NLGN1: variants seen among roughly 807,000 people sequenced by gnomAD.
The protein encoded by NLGN1 is neuroligin 1, also known as neuroligin-1.
A neutral mutation model predicts 65.5 loss-of-function variants in NLGN1; 12 were observed. The observed-to-expected ratio is 0.18, with a 90% CI of 0.12 to 0.30. The LOEUF (loss-of-function observed/expected upper bound fraction) is 0.30, where lower values mean the gene tolerates loss of function less well. NLGN1 is among the 10% of genes least tolerant of loss of function. The pLI is 1.00. For synonymous variants in NLGN1, 350 were observed against 359.5 expected, an observed-to-expected ratio of 0.97 and a Z score of 0.30; for missense variants, 750 against 1,007.1, an observed-to-expected ratio of 0.74 and a Z score of 3.46.
intron 4 of NLGN1, among the ~76,000 whole-genome samples, chr3:173,945,405 T>C (rs1289489241): frequency 6.6e-6 from 1 of 152,036 alleles, no homozygotes; most frequent in Non-Finnish European, 1.5e-5. Flanking sequence ...TGGAATGTGC[T>C]CTAAGTGGTT....
intron 3 of NLGN1, among the ~76,000 whole-genome samples, chr3:173,768,180 A>T (rs1779044374): frequency 6.6e-6 from 1 of 152,200 alleles, no homozygotes; most frequent in Non-Finnish European, 1.5e-5. Flanking sequence ...ATTTCCGAAT[A>T]CCTGAGTTTG....
Position 174,280,829 on chromosome 3 carries a change from A to G in NLGN1, c.1998A>G (p.Ser666=), listed in dbSNP as rs752554001. 6.2e-7 allele frequency: 1 copy of G among 1,613,386 alleles called. No homozygotes were observed. Among genetic ancestry groups the G allele is most frequent in the South Asian group, 1.1e-5 (1 of 91,076 alleles). Reference sequence around the variant, plus strand: ...CCAAACAACAACCAAGTCCATTTTCAGTGGATCAAAGGGACTACTCAACAG... The same window carrying G: ...CCAAACAACAACCAAGTCCATTTTCGGTGGATCAAAGGGACTACTCAACAG... Residue 666 remains serine, a synonymous_variant, in exon 7 of 7, where the codon TCA becomes TCG. Transcript: ENST00000457714. The surrounding 1 kb of genome is among the most constrained non-coding windows in gnomAD (Gnocchi z 4.9).
intron 4 of NLGN1, among the ~76,000 whole-genome samples, chr3:173,846,377 G>A (rs1177185671): frequency 1.3e-5 from 2 of 152,030 alleles, no homozygotes; most frequent in Non-Finnish European, 2.9e-5. Flanking sequence ...AGTATTTCTG[G>A]GACATTTCTG....
intron 4 of NLGN1, among the ~76,000 whole-genome samples, chr3:173,976,777 G>T (rs1364745641): frequency 6.6e-6 from 1 of 151,966 alleles, no homozygotes; most frequent in African/African-American, 2.4e-5. Context: ...ATTTCCTCAT[G>T]CACACATTGG....
At chr3:173,570,118 G>T (rs1744399299) in intron 2 of NLGN1, among the ~76,000 whole-genome samples, 1 of 152,186 alleles carries the variant, frequency 6.6e-6, no homozygotes, top group Non-Finnish European at 1.5e-5. Context: ...GGTCAAGAGT[G>T]GCAGTGAGGG....
chr3:173,685,433 A>C (rs1323116236), intron 3 of NLGN1, among the ~76,000 whole-genome samples: 1 of 152,156 alleles, frequency 6.6e-6, no homozygotes, highest in Non-Finnish European at 1.5e-5. Context: ...GAACTGTCCT[A>C]AACACTGTTA....
intron 2 of NLGN1, among the ~76,000 whole-genome samples, chr3:173,589,028 T>TA (rs1747988253): frequency 6.6e-6 from 1 of 152,168 alleles, no homozygotes; most frequent in African/African-American, 2.4e-5. Context: ...CAAGTTAAGT[T>TA]ACTACTACTG....
At chr3:173,596,843 A>G (rs1237751523) in intron 2 of NLGN1, among the ~76,000 whole-genome samples, 1 of 152,080 alleles carries the variant, frequency 6.6e-6, no homozygotes, top group Non-Finnish European at 1.5e-5. Context: ...TCCTTCTGGT[A>G]CTGCTTAAGT....
At chr3:173,723,691 A>T (rs1378632082) in intron 3 of NLGN1, among the ~76,000 whole-genome samples, 10 of 152,168 alleles carry the variant, frequency 6.6e-5, no homozygotes, top group Admixed American at 6.5e-4. Flanking sequence ...AGTCATCTAA[A>T]TGTGGAATGT....
At chr3:173,419,017 C>CTTTTTTTTTT (rs1714402944) in intron 1 of NLGN1, among the ~76,000 whole-genome samples, 4 of 11,280 alleles carry the variant, frequency 3.5e-4, no homozygotes, top group African/African-American at 1.1e-3. Flanking sequence ...CTTTCTTCTT[C>CTTTTTTTTTT]TTCTTTTTTT....
chr3:173,830,015 G>C (rs1009324040), intron 4 of NLGN1, among the ~76,000 whole-genome samples: 8 of 144,382 alleles, frequency 5.5e-5, no homozygotes, highest in South Asian at 4.4e-4. Context: ...TGTGGGGGGG[G>C]GAGGGAGAGA....
chr3:173,994,204 C>T (rs1048104157), intron 4 of NLGN1, among the ~76,000 whole-genome samples: 1 of 151,990 alleles, frequency 6.6e-6, no homozygotes, highest in African/African-American at 2.4e-5. Flanking sequence ...ACCTCCCAGG[C>T]TCAAGTGATC....
rs189988268 is a variant in NLGN1 at position 174,281,416 on chromosome 3, T to G, written c.*113T>G. 1,316 of 689,886 alleles carry G rather than the reference T, an allele frequency of 1.9e-3. 13 individuals are homozygous for G. In the African/African-American group the frequency reaches 0.021, roughly 11 times the overall value. 42.7% of individuals were successfully genotyped at this position (689,886 alleles called of 1,614,324 possible). ...TATTTAAATAAGGAGGAATATTATG[T>G]GAATATACATATCAAGAACTTTGGG... On this transcript the variant is annotated 3_prime_UTR_variant, in exon 7 of 7. Coordinates refer to ENST00000457714, the Ensembl canonical transcript of NLGN1.
intron 2 of NLGN1, among the ~76,000 whole-genome samples, chr3:173,451,382 G>A (rs1224257927): frequency 6.6e-6 from 1 of 152,154 alleles, no homozygotes; most frequent in African/African-American, 2.4e-5. Context: ...GTGGATATTG[G>A]TGAACCGCAA....
At chr3:173,570,329 T>TAGCGC (rs1301572655) in intron 2 of NLGN1, among the ~76,000 whole-genome samples, 12 of 152,308 alleles carry the variant, frequency 7.9e-5, no homozygotes, top group Non-Finnish European at 1.0e-4. Context: ...AAGCCACAAG[T>TAGCGC]AGCGCAGCAT....
At chr3:173,646,387 C>T (rs1758281399) in intron 3 of NLGN1, among the ~76,000 whole-genome samples, 1 of 152,180 alleles carries the variant, frequency 6.6e-6, no homozygotes, top group Non-Finnish European at 1.5e-5. Context: ...AAGAGTTCAC[C>T]ACTTTCTCTG....
chr3:173,780,924 G>A (rs1026672298), intron 3 of NLGN1, among the ~76,000 whole-genome samples: 4 of 151,918 alleles, frequency 2.6e-5, no homozygotes, highest in African/African-American at 7.3e-5. Flanking sequence ...GGCGGATCAC[G>A]AGGTCAGGAG....
intron 4 of NLGN1, among the ~76,000 whole-genome samples, chr3:174,274,791 T>G (rs549434750): frequency 1.3e-5 from 2 of 151,656 alleles, no homozygotes; most frequent in South Asian, 4.1e-4. Flanking sequence ...ATATGCAGAG[T>G]TCTATATAAT....
chr3:173,912,624 T>C (rs1008924008), intron 4 of NLGN1: 1 of 152,064 alleles, frequency 6.6e-6, no homozygotes, highest in African/African-American at 2.4e-5. Flanking sequence ...ATTCCTAGAA[T>C]TAGAAAAATG....
Sources: gnomAD v4.1 joint callset for allele counts (sites outside exome capture counted in the v4.1 genomes callset) on GRCh38, gnomAD v4.1.1 for gene constraint, Gnocchi (gnomAD v3.1) non-coding constraint, MANE v1.5 for transcripts, NCBI Gene and HGNC (gene_info 2026-07-23, HGNC 2026-07-21) for gene names.